SLC44A1: variants seen among roughly 807,000 people sequenced by gnomAD.
SLC44A1 encodes the protein solute carrier family 44 member 1.
A neutral mutation model predicts 79.3 loss-of-function variants in SLC44A1; 26 were observed. The observed-to-expected ratio is 0.33, with a 90% CI of 0.24 to 0.46. SLC44A1 has a LOEUF of 0.46. Ranked by LOEUF, SLC44A1 falls within the 20% of genes least tolerant of loss-of-function variation. The pLI, the probability that SLC44A1 is intolerant of heterozygous loss-of-function variation, is 1.00. For synonymous variants in SLC44A1, 263 were observed against 286.2 expected (o/e 0.92, Z 0.82); for missense variants, 688 against 798.1 (o/e 0.86, Z 1.66).
rs200754852 is a variant in SLC44A1, at chr9:105,385,405, T to C, written c.1870-17T>C. 7 of 1,532,066 alleles carry C rather than the reference T, an allele frequency of 4.6e-6. No individual in the cohort carries two copies. Among genetic ancestry groups the C allele is most frequent in the African/African-American group, 1.4e-5 (1 of 73,644 alleles). The allele number at this position is 1,532,066 out of a possible 1,614,324, so 94.9% of individuals were successfully genotyped here. On this transcript the variant is annotated splice_polypyrimidine_tract_variant and intron_variant, in intron 14 of 15. Transcript: ENST00000374720. ...AAAGGACCCAAGAATTTATTCAATA[T>C]GGTCCATATTTTGCAGGAGTTTGTG...
intron 15 of SLC44A1, among the ~76,000 whole-genome samples, chr9:105,422,766 C>T (rs1023271317): frequency 1.3e-5 from 2 of 152,178 alleles, no homozygotes; most frequent in African/African-American, 4.8e-5. Context: ...TTCTGGTTTG[C>T]GTGAAGTTGA....
intron 3 of SLC44A1, among the ~76,000 whole-genome samples, chr9:105,328,106 T>G (rs898948809): frequency 6.6e-5 from 10 of 152,354 alleles, no homozygotes; most frequent in African/African-American, 2.2e-4. Context: ...ACCATCTGTT[T>G]ATTAATTTGG....
In SLC44A1 at chr9:105,296,655, T is replaced by C. The variant is rs76536501; in HGVS notation, c.37-2565T>C. Among the ~76,000 whole-genome samples, 394 of 152,228 alleles carry C rather than the reference T, an allele frequency of 2.6e-3. 1 individual carries two copies. The highest frequency in any genetic ancestry group is 8.3e-3 in the African/African-American group (346 of 41,522). ...GAGTAAACGTAATGAATATCAAACA[T>C]GTGTCCAAATTCTCTGTTTGGAAGC... On this transcript the variant is annotated intron_variant, in intron 1 of 15. Transcript: ENST00000374720.
intron 1 of SLC44A1, among the ~76,000 whole-genome samples, chr9:105,279,852 G>A (rs1255257065): frequency 6.6e-6 from 1 of 152,160 alleles, no homozygotes; most frequent in African/African-American, 2.4e-5. Context: ...AATTACAAGT[G>A]CTGTATTTGG....
intron 1 of SLC44A1, among the ~76,000 whole-genome samples, chr9:105,267,401 A>G (rs1056296909): frequency 2.0e-5 from 3 of 152,114 alleles, no homozygotes; most frequent in Admixed American, 6.6e-5. Flanking sequence ...CTGGTTTGCA[A>G]TTGGGAAAAT....
intron 1 of SLC44A1, among the ~76,000 whole-genome samples, chr9:105,253,678 G>A (rs190195455): frequency 6.6e-6 from 1 of 152,288 alleles, no homozygotes; most frequent in African/African-American, 2.4e-5. Context: ...AGGCTGCATT[G>A]AGCTATGATC....
At chr9:105,345,753 A>G (rs1404643079) in intron 4 of SLC44A1, among the ~76,000 whole-genome samples, 1 of 152,164 alleles carries the variant, frequency 6.6e-6, no homozygotes, top group Admixed American at 6.6e-5. Context: ...ACCATTTACC[A>G]TGATAAATGT....
At chr9:105,352,771 C>T (rs867596109) in intron 5 of SLC44A1, among the ~76,000 whole-genome samples, 2 of 151,996 alleles carry the variant, frequency 1.3e-5, no homozygotes, top group African/African-American at 2.4e-5. Context: ...TCACCTCCAC[C>T]GAAATTCATT....
intron 1 of SLC44A1, 68 bp downstream of exon 1, chr9:105,244,972 C>A: frequency 1.4e-6 from 1 of 733,554 alleles, no homozygotes; most frequent in Non-Finnish European, 1.7e-6. Context: ...GCGGCGGGCG[C>A]CCGCCGCCCG....
Position 105,358,380 on chromosome 9 carries a change from T to C in SLC44A1, c.707T>C (p.Ile236Thr). Residue 236 changes from isoleucine (I) to threonine (T), a missense_variant, in exon 7 of 16, where the codon ATA becomes ACA. Physicochemically the swap from Ile to Thr is moderately conservative, Grantham distance 89. Coordinates refer to ENST00000374720, the MANE Select transcript of SLC44A1 (RefSeq NM_080546.5). ...SMILMVIIRY[I>T]SRVLVWILTI... is the part of the protein sequence containing the mutation. Reference sequence around the variant, plus strand: ...ATTTTGATGGTGATAATCAGGTATATATCAAGAGTACTTGTGTGGATCTTA... The same window carrying C: ...ATTTTGATGGTGATAATCAGGTATACATCAAGAGTACTTGTGTGGATCTTA... 6.3e-7 allele frequency: 1 copy of C among 1,595,990 alleles called. No homozygotes were observed. Among genetic ancestry groups the C allele is most frequent in the Non-Finnish European group, 8.6e-7 (1 of 1,163,612 alleles).
intron 12 of SLC44A1, among the ~76,000 whole-genome samples, chr9:105,372,432 C>A (rs7866899): frequency 0.05 from 7,659 of 151,862 alleles, 644 homozygotes; most frequent in African/African-American, 0.17. Flanking sequence ...GGATTACAGG[C>A]GCATGCCAGC....
chr9:105,400,357 C>T (rs1261804349), downstream of SLC44A1, among the ~76,000 whole-genome samples: 3 of 151,930 alleles, frequency 2.0e-5, no homozygotes, highest in South Asian at 4.2e-4. Context: ...AGTGTGGTGG[C>T]GCATGCCTGT....
At chr9:105,436,433 G>T (rs144606684) in intron 15 of SLC44A1, among the ~76,000 whole-genome samples, 216 of 152,188 alleles carry the variant, frequency 1.4e-3, no homozygotes, top group Non-Finnish European at 2.5e-3. Context: ...CATAAAAATG[G>T]AGTAGCGTGT....
At chr9:105,320,665 C>T (rs1826365720) in intron 3 of SLC44A1, among the ~76,000 whole-genome samples, 1 of 152,246 alleles carries the variant, frequency 6.6e-6, no homozygotes, top group South Asian at 2.1e-4. Context: ...TAGCACGCTA[C>T]AGCCTCGAAT....
intron 1 of SLC44A1, among the ~76,000 whole-genome samples, chr9:105,279,552 G>A (rs183550652): frequency 4.6e-5 from 7 of 151,898 alleles, no homozygotes; most frequent in Admixed American, 6.6e-5. Flanking sequence ...TCTTGACCTC[G>A]TGAGCCGCCC....
At chr9:105,307,387 T>C (rs1370994398) in intron 2 of SLC44A1, among the ~76,000 whole-genome samples, 2 of 152,144 alleles carry the variant, frequency 1.3e-5, no homozygotes, top group Admixed American at 6.5e-5. Context: ...CTCACGCATG[T>C]AATCCCAGCA....
intron 1 of SLC44A1, among the ~76,000 whole-genome samples, chr9:105,256,741 TTTTTATTTTATTTTATTTTA>T (rs59529626): frequency 0.017 from 2,163 of 130,906 alleles, 54 homozygotes; most frequent in African/African-American, 0.057. Flanking sequence ...TTTTGTATTA[TTTTTATTTTATTTTATTTTA>T]TTTTATTTTA....
chr9:105,427,278 A>C (rs1229169239), intron 15 of SLC44A1, among the ~76,000 whole-genome samples: 1 of 152,084 alleles, frequency 6.6e-6, no homozygotes, highest in Non-Finnish European at 1.5e-5. Flanking sequence ...AATGGTGTTA[A>C]AACTTCCTTG....
At chr9:105,260,965 A>T (rs1466816609) in intron 1 of SLC44A1, among the ~76,000 whole-genome samples, 5 of 152,218 alleles carry the variant, frequency 3.3e-5, no homozygotes, top group Non-Finnish European at 2.9e-5. Flanking sequence ...TGGAACAGGG[A>T]TGGAGTATTC....
Sources: gnomAD v4.1 joint callset for allele counts (sites outside exome capture counted in the v4.1 genomes callset) on GRCh38, gnomAD v4.1.1 for gene constraint, MANE v1.5 for transcripts, NCBI Gene and HGNC (gene_info 2026-07-23, HGNC 2026-07-21) for gene names.